MLXIP: variants seen among roughly 807,000 people sequenced by gnomAD.
MLXIP encodes MLX interacting protein, also known as MLX-interacting protein.
Under a neutral mutation model 87.2 loss-of-function variants are expected in MLXIP, and 30 were observed. The observed-to-expected ratio is 0.34, with a 90% CI of 0.26 to 0.47. MLXIP has a LOEUF of 0.47. Among genes scored for constraint, MLXIP ranks in the 20% least tolerant of loss-of-function variants. The probability of loss-of-function intolerance (pLI) is 1.00; values close to 1 mark genes in which losing one functional copy is unlikely to be tolerated. For synonymous variants in MLXIP, 530 were observed against 514.0 expected (o/e 1.03, Z -0.42); for missense variants, 1,002 against 1,240.1 (o/e 0.81, Z 2.88).
At chr12:122,120,220 T>C (rs1049430829) in intron 1 of MLXIP, among the ~76,000 whole-genome samples, 3 of 152,000 alleles carry the variant, frequency 2.0e-5, no homozygotes, top group Admixed American at 6.6e-5. Flanking sequence ...CTCTTTCTTT[T>C]CTCTTTTCTT....
At chr12:122,139,870 C>T (rs994941662) in intron 15 of MLXIP, among the ~76,000 whole-genome samples, 37 of 152,324 alleles carry the variant, frequency 2.4e-4, no homozygotes, top group Admixed American at 1.0e-3. Context: ...GATGGGGTTT[C>T]ACCATTTTGG....
intron 1 of MLXIP, among the ~76,000 whole-genome samples, chr12:122,081,486 C>T (rs115379412): frequency 6.6e-6 from 1 of 152,268 alleles, no homozygotes; most frequent in African/African-American, 2.4e-5. Context: ...CCCCAGCTCT[C>T]CTAGTGAGAA....
At chr12:122,141,404 T>G (rs1334927304) in intron 16 of MLXIP, among the ~76,000 whole-genome samples, 1 of 152,192 alleles carries the variant, frequency 6.6e-6, no homozygotes, top group Admixed American at 6.5e-5. Flanking sequence ...TCCCATATGT[T>G]AAGGTTATAG....
intron 1 of MLXIP, among the ~76,000 whole-genome samples, chr12:122,091,714 T>C (rs1952247652): frequency 1.3e-5 from 2 of 152,230 alleles, no homozygotes; most frequent in South Asian, 4.1e-4. Context: ...CTGTTTGTTA[T>C]GAAAACCGTA....
chr12:122,126,884 T>G (rs1416111991), intron 1 of MLXIP, among the ~76,000 whole-genome samples: 1 of 152,150 alleles, frequency 6.6e-6, no homozygotes. Context: ...AAATGTAACC[T>G]TTGCTCCTCC....
At chr12:122,103,001 T>C (rs1320867797) in intron 1 of MLXIP, among the ~76,000 whole-genome samples, 4 of 152,108 alleles carry the variant, frequency 2.6e-5, no homozygotes, top group Non-Finnish European at 4.4e-5. Context: ...TGAAACACGA[T>C]TGAATTGTAC....
chr12:122,086,995 G>A (rs144677570), intron 1 of MLXIP, among the ~76,000 whole-genome samples: 2,822 of 152,202 alleles, frequency 0.019, 82 homozygotes, highest in African/African-American at 0.065. Flanking sequence ...TTCTGGATCC[G>A]CCCAGCTTGA....
chr12:122,130,736 G>T, intron 6 of MLXIP, 108 bp from the exon 7 acceptor site: 1 of 761,380 alleles, frequency 1.3e-6, no homozygotes, highest in African/African-American at 1.7e-5. Flanking sequence ...CTCCTTGGAA[G>T]ACTCTGGGAT....
intron 2 of MLXIP, 101 bp from the exon 3 acceptor site, chr12:122,127,782 C>A: frequency 1.2e-6 from 1 of 865,334 alleles, no homozygotes; most frequent in Non-Finnish European, 1.9e-6. Flanking sequence ...GAAAGGGTAC[C>A]TGGGAATGTG....
At chr12:122,106,870 G>A (rs1318550196) in intron 1 of MLXIP, among the ~76,000 whole-genome samples, 1 of 152,282 alleles carries the variant, frequency 6.6e-6, no homozygotes, top group East Asian at 1.9e-4. Context: ...CCGAAGTGCT[G>A]TGATTACAGG....
At chr12:122,117,630 C>T (rs886172021) in intron 1 of MLXIP, among the ~76,000 whole-genome samples, 1 of 152,166 alleles carries the variant, frequency 6.6e-6, no homozygotes, top group Admixed American at 6.5e-5. Flanking sequence ...TAACTAGAAG[C>T]CCTAGAATGT....
intron 7 of MLXIP, 30 bp from the exon 8 acceptor site, chr12:122,132,262 G>T (rs370042280): frequency 6.5e-7 from 1 of 1,548,816 alleles, no homozygotes; most frequent in African/African-American, 1.4e-5. Context: ...GGCACACTGA[G>T]CTCAGAAGAC....
rs1180265653 is a variant in MLXIP at position 122,137,721 on chromosome 12, T to C, written c.2154+131T>C. On this transcript the variant is annotated intron_variant, in intron 12 of 16. Coordinates refer to ENST00000319080, the MANE Select transcript of MLXIP (RefSeq NM_014938.6). This position sits in a 1 kb window ranked among gnomAD's most constrained non-coding sequence, Gnocchi z 4.1. ...TGCCCAGGCAGGGGTGGATCAGAAA[T>C]GGGCTTCTCCTTGCCCCATGCCACG... The C allele has an allele frequency of 1.4e-6, 2 of 1,429,766 alleles. No individual in the cohort carries two copies. The highest frequency in any genetic ancestry group is 2.9e-5 in the African/African-American group (2 of 70,028). The allele number at this position is 1,429,766 out of a possible 1,614,324, so 88.6% of individuals were successfully genotyped here.
intron 1 of MLXIP, among the ~76,000 whole-genome samples, chr12:122,117,835 A>G (rs986924506): frequency 1.3e-5 from 2 of 152,220 alleles, no homozygotes; most frequent in Non-Finnish European, 2.9e-5. Flanking sequence ...TAAGTTAGGC[A>G]CAGTAAGAGA....
chr12:122,140,386 TC>T (rs1201930077), intron 15 of MLXIP, among the ~76,000 whole-genome samples: 1 of 152,036 alleles, frequency 6.6e-6, no homozygotes, highest in East Asian at 1.9e-4. Context: ...AGCCTCCGCC[TC>T]CCGGGTTCAA....
chr12:122,133,468 A>T lies in MLXIP; in HGVS notation c.1213A>T (p.Thr405Ser). 1 of 1,612,992 alleles carries T rather than the reference A, an allele frequency of 6.2e-7. No homozygotes were observed. Among genetic ancestry groups the T allele is most frequent in the Non-Finnish European group, 8.5e-7 (1 of 1,179,736 alleles). ...DEQGCEHTSR[T>S]EDPFIQPTDF... ...GCAGGGCTGTGAACACACCTCCCGG[A>T]CTGAGGACCCGTTTATCCAGCCCAC... The change falls in exon 9 of 17, where the codon ACT becomes TCT. Residue 405 changes from threonine (T) to serine (S), a missense_variant. By Grantham distance (58) the Thr-to-Ser change is moderately conservative (BLOSUM62 1). Around this residue, in one of 3 missense-constraint regions of MLXIP, gnomAD observed 746 missense variants for 897.0 expected, o/e 0.83. Transcript: ENST00000319080. This position sits in a 1 kb window ranked among gnomAD's most constrained non-coding sequence, Gnocchi z 4.9.
intron 1 of MLXIP, among the ~76,000 whole-genome samples, chr12:122,110,198 A>G (rs1296905744): frequency 1.3e-5 from 2 of 152,116 alleles, no homozygotes; most frequent in Non-Finnish European, 2.9e-5. Flanking sequence ...CACGTCTGTA[A>G]TCTTAGCACA....
chr12:122,092,961 G>A (rs1952269432), intron 1 of MLXIP, among the ~76,000 whole-genome samples: 1 of 149,606 alleles, frequency 6.7e-6, no homozygotes, highest in South Asian at 2.1e-4. Context: ...GTGTGGTGGG[G>A]TGTGTGGTGT....
intron 1 of MLXIP, among the ~76,000 whole-genome samples, chr12:122,105,034 A>G (rs980185144): frequency 6.6e-6 from 1 of 152,130 alleles, no homozygotes; most frequent in Non-Finnish European, 1.5e-5. Context: ...CCTCTAAACC[A>G]CTAAATCACG....
Sources: allele counts gnomAD v4.1 joint callset (sites outside exome capture counted in the v4.1 genomes callset), GRCh38; gene constraint gnomAD v4.1.1; regional missense constraint gnomAD v4.1.1; non-coding constraint Gnocchi (gnomAD v3.1); transcripts MANE v1.5; gene names NCBI Gene and HGNC (gene_info 2026-07-23, HGNC 2026-07-21).